Variants in COL24A1 observed in about 807,000 individuals in gnomAD.
COL24A1 encodes collagen alpha-1(XXIV) chain.
A neutral mutation model predicts 253.9 loss-of-function variants in COL24A1; 224 were observed. The observed-to-expected ratio is 0.88, with a 90% CI of 0.79 to 0.99. COL24A1 has a LOEUF of 0.99. Ranked by LOEUF, COL24A1 falls within the 50% of genes least tolerant of loss-of-function variation. The probability of loss-of-function intolerance (pLI) is 0.00; values close to 1 mark genes in which losing one functional copy is unlikely to be tolerated. For missense variants in COL24A1, 2,131 were observed against 2,068.5 expected (o/e 1.03, Z -0.59); for synonymous variants, 685 against 673.7 (o/e 1.02, Z -0.26).
intron 20 of COL24A1, among the ~76,000 whole-genome samples, chr1:85,975,230 C>G (rs1405658826): frequency 1.3e-5 from 2 of 151,958 alleles, no homozygotes; most frequent in Non-Finnish European, 2.9e-5. Context: ...AAAAATAGAA[C>G]TACCATATGA....
At chr1:85,740,385 T>C (rs1232380606) in intron 57 of COL24A1, among the ~76,000 whole-genome samples, 2 of 152,210 alleles carry the variant, frequency 1.3e-5, no homozygotes, top group African/African-American at 4.8e-5. Context: ...AGAAAATTTA[T>C]GTAACTTATA....
chr1:85,903,298 T>C (rs2102864015), intron 28 of COL24A1, among the ~76,000 whole-genome samples: 2 of 152,304 alleles, frequency 1.3e-5, no homozygotes. Flanking sequence ...CTAGGAAAGC[T>C]TGGTACTCTC....
chr1:85,981,004 CATAA>C (rs1029190687), intron 20 of COL24A1, among the ~76,000 whole-genome samples: 9 of 152,132 alleles, frequency 5.9e-5, no homozygotes, highest in African/African-American at 1.7e-4. Context: ...TCATAGATGA[CATAA>C]GCAAATGGAA....
intron 6 of COL24A1, among the ~76,000 whole-genome samples, chr1:86,091,184 A>G (rs983519118): frequency 6.6e-6 from 1 of 152,112 alleles, no homozygotes; most frequent in African/African-American, 2.4e-5. Context: ...CAGTGAACTC[A>G]GTTCCACCAC....
intron 19 of COL24A1, among the ~76,000 whole-genome samples, chr1:85,997,067 A>G (rs1217348174): frequency 0.017 from 1,318 of 76,876 alleles, 27 homozygotes; most frequent in East Asian, 0.036. Context: ...ATATATATAT[A>G]TATATATATA....
intron 14 of COL24A1, 62 bp from the exon 15 acceptor site, chr1:86,023,069 G>T: frequency 6.7e-7 from 1 of 1,501,454 alleles, no homozygotes; most frequent in Non-Finnish European, 9.2e-7. Context: ...AAGAAAATGT[G>T]GCAGAATTAA....
At chr1:85,991,653 C>T (rs1162806139) in intron 19 of COL24A1, among the ~76,000 whole-genome samples, 1 of 152,084 alleles carries the variant, frequency 6.6e-6, no homozygotes, top group African/African-American at 2.4e-5. Context: ...GGTAAACATG[C>T]AACACTGAAT....
intron 31 of COL24A1, among the ~76,000 whole-genome samples, chr1:85,892,277 G>A (rs992595344): frequency 6.6e-6 from 1 of 151,922 alleles, no homozygotes; most frequent in Admixed American, 6.6e-5. Flanking sequence ...AGAAATACCA[G>A]CGGCCAAAAG....
chr1:85,813,636 C>T (rs1188736194), intron 47 of COL24A1, among the ~76,000 whole-genome samples: 2 of 143,868 alleles, frequency 1.4e-5, no homozygotes, highest in African/African-American at 2.6e-5. Context: ...CTGCAAGCTC[C>T]GCCTCCCGGG....
At chr1:85,793,449 G>T (rs937672431) in intron 47 of COL24A1, among the ~76,000 whole-genome samples, 4 of 152,012 alleles carry the variant, frequency 2.6e-5, no homozygotes, top group Admixed American at 1.3e-4. Context: ...AAGGGAGAAA[G>T]AGAAGGAAAG....
chr1:85,870,307 G>A (rs1680312400), intron 35 of COL24A1, among the ~76,000 whole-genome samples: 1 of 152,108 alleles, frequency 6.6e-6, no homozygotes, highest in African/African-American at 2.4e-5. Flanking sequence ...AAGTTAACAA[G>A]GATATCCAGG....
intron 24 of COL24A1, among the ~76,000 whole-genome samples, chr1:85,911,947 G>A (rs1247184649): frequency 6.6e-6 from 1 of 152,042 alleles, no homozygotes; most frequent in Admixed American, 6.6e-5. Context: ...TCTAGACCCT[G>A]CCCTCTTGAG....
intron 5 of COL24A1, among the ~76,000 whole-genome samples, chr1:86,108,581 G>A (rs898413657): frequency 2.6e-4 from 35 of 133,160 alleles, no homozygotes; most frequent in African/African-American, 6.5e-4. Context: ...TCAGGAAGTC[G>A]AGACCAGCCT....
chr1:85,787,184 G>C lies in COL24A1; in HGVS notation c.3952-723C>G, dbSNP rs527966874. Among the ~76,000 whole-genome samples the C allele has an allele frequency of 1.4e-4, 22 of 151,744 alleles. No homozygotes were observed. In the East Asian group the frequency reaches 3.9e-3, roughly 27 times the overall value. On this transcript the variant is annotated intron_variant, in intron 47 of 59. Coordinates refer to ENST00000370571, the MANE Select transcript of COL24A1 (RefSeq NM_152890.7). ...TGCACAACAATAGCAGAGCTGAGTA[G>C]TTATGGCAGAGTTTTTTTTTTTTTA...
At chr1:85,758,332 G>A (rs887888482) in intron 55 of COL24A1, among the ~76,000 whole-genome samples, 1 of 152,012 alleles carries the variant, frequency 6.6e-6, no homozygotes, top group African/African-American at 2.4e-5. Flanking sequence ...CCATTAATTG[G>A]AATACATCAG....
intron 55 of COL24A1, among the ~76,000 whole-genome samples, chr1:85,754,600 A>T (rs1377293611): frequency 6.6e-6 from 1 of 151,394 alleles, no homozygotes; most frequent in Non-Finnish European, 1.5e-5. Flanking sequence ...ATGTCTTACT[A>T]AGTAGAGAAT....
intron 7 of COL24A1, among the ~76,000 whole-genome samples, chr1:86,074,651 T>C (rs1571837742): frequency 6.6e-6 from 1 of 152,204 alleles, no homozygotes; most frequent in Admixed American, 6.5e-5. Flanking sequence ...CAACAGAATC[T>C]ACATTCTTCT....
intron 3 of COL24A1, among the ~76,000 whole-genome samples, chr1:86,120,328 A>T (rs1706611569): frequency 6.6e-6 from 1 of 152,240 alleles, no homozygotes; most frequent in Admixed American, 6.5e-5. Flanking sequence ...GCACAGCAAA[A>T]GAAACTACCA....
At chr1:85,918,834 A>G (rs1434487246) in intron 24 of COL24A1, among the ~76,000 whole-genome samples, 1 of 152,246 alleles carries the variant, frequency 6.6e-6, no homozygotes, top group East Asian at 1.9e-4. Flanking sequence ...AAATGTGAAA[A>G]GAAAAAATGG....
Sources: allele counts gnomAD v4.1 joint callset (sites outside exome capture counted in the v4.1 genomes callset), GRCh38; gene constraint gnomAD v4.1.1; transcripts MANE v1.5; gene names NCBI Gene and HGNC (gene_info 2026-07-23, HGNC 2026-07-21).